Variants in PPP4R4 observed in about 807,000 individuals in gnomAD.
PPP4R4 encodes the protein protein phosphatase 4 regulatory subunit 4.
Under a neutral mutation model 121.8 loss-of-function variants are expected in PPP4R4, and 70 were observed. The ratio of observed to expected loss-of-function variants is 0.57; its 90% confidence interval spans 0.47 to 0.70. PPP4R4 has a LOEUF of 0.70. PPP4R4 is among the 30% of genes least tolerant of loss of function. The pLI, the probability that PPP4R4 is intolerant of heterozygous loss-of-function variation, is 0.00. For synonymous variants in PPP4R4, 348 were observed against 355.7 expected, an observed-to-expected ratio of 0.98 and a Z score of 0.24; for missense variants, 875 against 1,033.6, an observed-to-expected ratio of 0.85 and a Z score of 2.10.
chr14:94,197,879 G>C (rs914924544), intron 2 of PPP4R4, among the ~76,000 whole-genome samples: 1 of 151,952 alleles, frequency 6.6e-6, no homozygotes, highest in Non-Finnish European at 1.5e-5. Flanking sequence ...CCATGATTTT[G>C]TTCATTTCTT....
At chr14:94,228,058 C>G (rs1486783818) in intron 3 of PPP4R4, among the ~76,000 whole-genome samples, 1 of 152,092 alleles carries the variant, frequency 6.6e-6, no homozygotes, top group African/African-American at 2.4e-5. Context: ...ATGTAACTGA[C>G]TTTTGGTTGA....
chr14:94,198,156 G>A (rs1027047588), intron 2 of PPP4R4, among the ~76,000 whole-genome samples: 1 of 152,152 alleles, frequency 6.6e-6, no homozygotes, highest in Non-Finnish European at 1.5e-5. Context: ...TCCATCAGTA[G>A]TATGTGAAAG....
At chr14:94,257,151 A>G (rs1839650168) in intron 17 of PPP4R4, among the ~76,000 whole-genome samples, 1 of 152,112 alleles carries the variant, frequency 6.6e-6, no homozygotes, top group Non-Finnish European at 1.5e-5. Context: ...ATAATGTAAC[A>G]TTGTATCCTA....
At position 94,235,590 on chromosome 14, in the gene PPP4R4, G is replaced by A. The variant is rs371770918; in HGVS notation, c.731+921G>A. ...AATTTTTTGTATTTTTAGTAGAGAC[G>A]GGGTTTCACCGTGTTAGCCAGGATG... is the stretch of plus-strand genomic sequence containing the variant. On this transcript the variant is annotated intron_variant, in intron 7 of 24. Transcript: ENST00000304338. Among the ~76,000 whole-genome samples, 137 of 151,534 alleles carry A rather than the reference G, an allele frequency of 9.0e-4. 2 individuals carry two copies. The highest frequency in any genetic ancestry group is 3.2e-3 in the African/African-American group (131 of 41,340).
intron 19 of PPP4R4, among the ~76,000 whole-genome samples, chr14:94,262,326 T>C (rs1165495880): frequency 6.6e-6 from 1 of 152,022 alleles, no homozygotes; most frequent in African/African-American, 2.4e-5. Flanking sequence ...ACAAATCTGT[T>C]GGCATGAAGT....
At chr14:94,276,842 A>C (rs965862364) in intron 24 of PPP4R4, among the ~76,000 whole-genome samples, 1 of 152,228 alleles carries the variant, frequency 6.6e-6, no homozygotes, top group South Asian at 2.1e-4. Flanking sequence ...GAGCTCAAGG[A>C]AAGAGGACCA....
rs111637754 is a variant in PPP4R4 at position 94,175,869 on chromosome 14, A to G, written c.118-185A>G. 1,627 of 589,710 alleles carry G rather than the reference A, an allele frequency of 2.8e-3. 20 individuals carry two copies. The highest frequency in any genetic ancestry group is 0.026 in the African/African-American group (1,402 of 53,770). 36.5% of individuals were successfully genotyped at this position (589,710 alleles called of 1,614,324 possible). ...GCCCCCTCCCCAAACTCCCCAAACC[A>G]CCCAATTAGAGACCTCCGTGATTGA... On this transcript the variant is annotated intron_variant, in intron 1 of 24. Transcript: ENST00000304338.
Position 94,259,317 on chromosome 14 carries a change from A to G in PPP4R4, c.2075A>G (p.Lys692Arg). The change falls in exon 19 of 25, where the codon AAA (lysine) becomes AGA (arginine). Residue 692 changes from lysine (K) to arginine (R), a missense_variant. Physicochemically the swap from Lys to Arg is conservative, Grantham distance 26 (BLOSUM62 2). Transcript: ENST00000304338. ...CAGTTTCAGAAAAAGTTTTATGAGA[A>G]AGATTTGTTGGATCAAGAGAAAGAA... is the stretch of plus-strand genomic sequence containing the variant. ...MDAFQKKFYE[K>R]DLLDQEKERE... is the part of the protein sequence containing the mutation. The G allele has an allele frequency of 1.9e-6, 3 of 1,608,226 alleles. No homozygotes were observed. The highest frequency in any genetic ancestry group is 2.5e-6 in the Non-Finnish European group (3 of 1,178,324).
intron 14 of PPP4R4, among the ~76,000 whole-genome samples, chr14:94,247,175 AT>A (rs1239792757): frequency 6.6e-6 from 1 of 152,232 alleles, no homozygotes; most frequent in Non-Finnish European, 1.5e-5. Flanking sequence ...CAAGGGGATT[AT>A]TTAACTCATA....
At chr14:94,195,793 T>C (rs1889840888) in intron 2 of PPP4R4, among the ~76,000 whole-genome samples, 1 of 152,302 alleles carries the variant, frequency 6.6e-6, no homozygotes, top group East Asian at 1.9e-4. Flanking sequence ...CCCAATGTAC[T>C]ACCCATAATG....
chr14:94,246,587 C>G, intron 14 of PPP4R4, 48 bp downstream of exon 14: 2 of 1,508,610 alleles, frequency 1.3e-6, no homozygotes, highest in Non-Finnish European at 1.8e-6. Context: ...ATGGTTGGTT[C>G]TGGAATTACC....
At chr14:94,255,016 TC>T (rs1893393375) in intron 16 of PPP4R4, among the ~76,000 whole-genome samples, 1 of 152,220 alleles carries the variant, frequency 6.6e-6, no homozygotes, top group Non-Finnish European at 1.5e-5. Context: ...AAATATCATC[TC>T]CTTGCTGAAG....
intron 19 of PPP4R4, among the ~76,000 whole-genome samples, chr14:94,260,919 T>C (rs1184239868): frequency 6.6e-6 from 1 of 152,112 alleles, no homozygotes; most frequent in Admixed American, 6.5e-5. Context: ...CTATTTTCTT[T>C]TAAAAATTTT....
chr14:94,228,307 T>C (rs908569306), intron 3 of PPP4R4, among the ~76,000 whole-genome samples: 2 of 152,184 alleles, frequency 1.3e-5, no homozygotes, highest in African/African-American at 4.8e-5. Context: ...ATTCAGTGCA[T>C]AGGAGTGTTT....
intron 14 of PPP4R4, among the ~76,000 whole-genome samples, chr14:94,247,229 A>T (rs1224486575): frequency 6.6e-6 from 1 of 152,210 alleles, no homozygotes; most frequent in East Asian, 1.9e-4. Context: ...CAATTTTTTG[A>T]AATATAGAAA....
At position 94,234,608 on chromosome 14, in the gene PPP4R4, G is replaced by A. The variant is rs748443695; in HGVS notation, c.670G>A (p.Val224Ile). 2 of 1,609,830 alleles carry A rather than the reference G, an allele frequency of 1.2e-6. No homozygotes were observed. Among genetic ancestry groups the A allele is most frequent in the Non-Finnish European group, 1.7e-6 (2 of 1,176,502 alleles). ...TCTGGTAAAATCACTCTGTCAAGAT[G>A]TAGAATATGAAGTTCGATCTTGTAT... Reference protein sequence around the residue: ...LPLVKSLCQDVEYEVRSCMCR... With the variant: ...LPLVKSLCQDIEYEVRSCMCR... Residue 224 changes from valine (V) to isoleucine (I), a missense_variant, in exon 7 of 25, where the codon GTA becomes ATA. Physicochemically the swap from Val to Ile is conservative, Grantham distance 29. Coordinates refer to ENST00000304338, the MANE Select transcript of PPP4R4 (RefSeq NM_058237.2).
intron 11 of PPP4R4, 47 bp downstream of exon 11, chr14:94,242,455 C>T (rs761339480): frequency 4.5e-6 from 7 of 1,538,728 alleles, no homozygotes; most frequent in Admixed American, 3.4e-5. Flanking sequence ...GTTAATTCTA[C>T]CTATGTATAC....
intron 24 of PPP4R4, among the ~76,000 whole-genome samples, chr14:94,277,997 C>T (rs1894733114): frequency 6.6e-6 from 1 of 152,168 alleles, no homozygotes; most frequent in South Asian, 2.1e-4. Flanking sequence ...TGAGTGCACA[C>T]TGCCACATGG....
chr14:94,216,406 A>T (rs1257889333), intron 3 of PPP4R4, among the ~76,000 whole-genome samples: 4 of 152,262 alleles, frequency 2.6e-5, no homozygotes, highest in Admixed American at 6.5e-5. Context: ...AGTAGTTAGC[A>T]GTATCAGCTA....
Sources: allele counts gnomAD v4.1 joint callset (sites outside exome capture counted in the v4.1 genomes callset), GRCh38; gene constraint gnomAD v4.1.1; transcripts MANE v1.5; gene names NCBI Gene and HGNC (gene_info 2026-07-23, HGNC 2026-07-21).